The following ADCY2 variants were observed in gnomAD, a reference collection of about 807,000 sequenced individuals.
The protein encoded by ADCY2 is adenylate cyclase type 2.
In ADCY2, 31 loss-of-function variants were observed where a neutral mutation model predicts 125.2. The ratio of observed to expected loss-of-function variants is 0.25; its 90% confidence interval spans 0.19 to 0.33. The LOEUF (loss-of-function observed/expected upper bound fraction) is 0.33. Among genes scored for constraint, ADCY2 ranks in the 10% least tolerant of loss-of-function variants. The pLI, the probability that ADCY2 is intolerant of heterozygous loss-of-function variation, is 1.00. For synonymous variants in ADCY2, 512 were observed against 548.4 expected, an observed-to-expected ratio of 0.93 and a Z score of 0.93; for missense variants, 904 against 1,418.2, an observed-to-expected ratio of 0.64 and a Z score of 5.82.
At chr5:7,795,982 G>A (rs1452237855) in intron 20 of ADCY2, 1 of 152,128 alleles carries the variant, frequency 6.6e-6, no homozygotes, top group African/African-American at 2.4e-5. Flanking sequence ...TCAAGGGAGG[G>A]TGGCAGCAAA....
intron 7 of ADCY2, 101 bp from the exon 8 acceptor site, chr5:7,706,643 G>A: frequency 7.1e-7 from 1 of 1,404,806 alleles, no homozygotes; most frequent in Non-Finnish European, 9.9e-7. Flanking sequence ...ATTTCCGACA[G>A]TTTGAAAAAT....
chr5:7,694,360 C>T (rs1166186095), intron 5 of ADCY2, among the ~76,000 whole-genome samples: 1 of 152,148 alleles, frequency 6.6e-6, no homozygotes, highest in African/African-American at 2.4e-5. Flanking sequence ...CATTGTTCTA[C>T]AACCATCAAT....
At chr5:7,484,473 C>T (rs1294775412) in intron 2 of ADCY2, among the ~76,000 whole-genome samples, 1 of 152,324 alleles carries the variant, frequency 6.6e-6, no homozygotes, top group East Asian at 1.9e-4. Flanking sequence ...GAGACCCAAG[C>T]TCCATTAGCC....
chr5:7,725,924 G>A (rs997196871), intron 13 of ADCY2, among the ~76,000 whole-genome samples: 27 of 152,252 alleles, frequency 1.8e-4, no homozygotes, highest in Non-Finnish European at 3.8e-4. Flanking sequence ...TGCAGATGCC[G>A]ACTTTAAAGC....
At chr5:7,517,315 G>A (rs1267757293) in intron 2 of ADCY2, among the ~76,000 whole-genome samples, 1 of 152,158 alleles carries the variant, frequency 6.6e-6, no homozygotes, top group Non-Finnish European at 1.5e-5. Flanking sequence ...TCATCCATGG[G>A]GAATGTCCCC....
intron 2 of ADCY2, among the ~76,000 whole-genome samples, chr5:7,473,914 G>C (rs1002359244): frequency 2.0e-5 from 3 of 152,168 alleles, no homozygotes; most frequent in African/African-American, 4.8e-5. Context: ...GGTCTTAGCA[G>C]TTCATTAAAG....
intron 3 of ADCY2, among the ~76,000 whole-genome samples, chr5:7,576,876 C>T (rs1336955798): frequency 2.0e-5 from 3 of 152,192 alleles, no homozygotes; most frequent in African/African-American, 7.2e-5. Flanking sequence ...GAGCTAGCAA[C>T]CTATTTAAAA....
intron 4 of ADCY2, among the ~76,000 whole-genome samples, chr5:7,638,187 T>C (rs1738573906): frequency 6.6e-6 from 1 of 152,230 alleles, no homozygotes; most frequent in Non-Finnish European, 1.5e-5. Flanking sequence ...TGTTATCATA[T>C]ATTTTTTTGT....
intron 18 of ADCY2, among the ~76,000 whole-genome samples, chr5:7,778,396 G>C (rs1298830751): frequency 6.6e-6 from 1 of 152,204 alleles, no homozygotes; most frequent in Non-Finnish European, 1.5e-5. Flanking sequence ...CTTGAGCAGA[G>C]CAGCTAACTA....
chr5:7,489,839 G>A (rs1743092753), intron 2 of ADCY2, among the ~76,000 whole-genome samples: 2 of 152,116 alleles, frequency 1.3e-5, no homozygotes, highest in Non-Finnish European at 2.9e-5. Flanking sequence ...GTGGCAGGAG[G>A]TTCACTCTTG....
At chr5:7,578,498 T>C (rs1032364067) in intron 3 of ADCY2, among the ~76,000 whole-genome samples, 1 of 152,228 alleles carries the variant, frequency 6.6e-6, no homozygotes, top group Non-Finnish European at 1.5e-5. Context: ...GAAATTATTC[T>C]TTTTAGCAAG....
chr5:7,434,302 T>C (rs1579440029), intron 2 of ADCY2, among the ~76,000 whole-genome samples: 1 of 152,360 alleles, frequency 6.6e-6, no homozygotes, highest in Middle Eastern at 3.4e-3. Context: ...TAAATCAATT[T>C]GGCATTTTCA....
chr5:7,637,062 G>C (rs1738529856), intron 4 of ADCY2, among the ~76,000 whole-genome samples: 1 of 152,104 alleles, frequency 6.6e-6, no homozygotes, highest in Admixed American at 6.5e-5. Flanking sequence ...ATTTTAAATT[G>C]CCTGTTAATT....
At chr5:7,740,239 T>A (rs1742369816) in intron 14 of ADCY2, among the ~76,000 whole-genome samples, 1 of 151,970 alleles carries the variant, frequency 6.6e-6, no homozygotes. Flanking sequence ...AGAATTCAAA[T>A]GAAAAGTATT....
intron 2 of ADCY2, among the ~76,000 whole-genome samples, chr5:7,516,681 T>C (rs994946544): frequency 6.6e-6 from 1 of 152,044 alleles, no homozygotes; most frequent in African/African-American, 2.4e-5. Context: ...AAGAAAGCAA[T>C]AGTTATTTGT....
chr5:7,453,401 G>T (rs1741545281), intron 2 of ADCY2, among the ~76,000 whole-genome samples: 1 of 152,132 alleles, frequency 6.6e-6, no homozygotes, highest in African/African-American at 2.4e-5. Flanking sequence ...TCAAAGATCA[G>T]TGTTATTGTA....
At chr5:7,539,739 T>C (rs1028599365) in intron 3 of ADCY2, among the ~76,000 whole-genome samples, 9 of 152,232 alleles carry the variant, frequency 5.9e-5, no homozygotes, top group Middle Eastern at 3.2e-3. Context: ...TGGCTACTAC[T>C]CAGCTTGGCT....
chr5:7,553,271 A>G (rs1003439105), intron 3 of ADCY2, among the ~76,000 whole-genome samples: 2 of 152,188 alleles, frequency 1.3e-5, no homozygotes, highest in African/African-American at 4.8e-5. Context: ...AAGCACATGT[A>G]AAGTGTTGCA....
intron 3 of ADCY2, among the ~76,000 whole-genome samples, chr5:7,558,057 ATTT>A (rs368436342): frequency 3.4e-5 from 5 of 146,056 alleles, no homozygotes; most frequent in Non-Finnish European, 3.0e-5. Flanking sequence ...TTTTGGTTTT[ATTT>A]TTTTTTTTTT....
Sources: gnomAD v4.1 joint callset for allele counts (sites outside exome capture counted in the v4.1 genomes callset) on GRCh38, gnomAD v4.1.1 for gene constraint, MANE v1.5 for transcripts, NCBI Gene and HGNC (gene_info 2026-07-23, HGNC 2026-07-21) for gene names.